The following FAM177B variants were observed in gnomAD, a reference collection of about 807,000 sequenced individuals.
FAM177B encodes protein FAM177B.
A neutral mutation model predicts 16.1 loss-of-function variants in FAM177B; 16 were observed. The observed-to-expected ratio is 0.99, with a 90% confidence interval of 0.67 to 1.51. The LOEUF (loss-of-function observed/expected upper bound fraction) is 1.51, where lower values mean the gene tolerates loss of function less well. FAM177B is among the 40% of genes most tolerant of loss of function. The pLI is 0.00. For synonymous variants in FAM177B, 56 were observed against 59.9 expected, an observed-to-expected ratio of 0.93 and a Z score of 0.30; for missense variants, 178 against 183.7, an observed-to-expected ratio of 0.97 and a Z score of 0.18.
chr1:222,741,928 C>CTT (rs1417046073), intron 2 of FAM177B, among the ~76,000 whole-genome samples: 1,149 of 84,610 alleles, frequency 0.014, 6 homozygotes, highest in Middle Eastern at 0.023. Context: ...CTCTCTCTCT[C>CTT]TCTTTCTTTC....
chr1:222,742,137 A>G (rs1040495749), intron 2 of FAM177B, among the ~76,000 whole-genome samples: 15 of 151,972 alleles, frequency 9.9e-5, no homozygotes, highest in Non-Finnish European at 1.9e-4. Flanking sequence ...TATTAGACGT[A>G]CTGAACTTTC....
rs185970176 is a variant in FAM177B at position 222,746,397 on chromosome 1, T to G, written c.-15-134T>G. 339 of 495,368 alleles carry G rather than the reference T, an allele frequency of 6.8e-4. 5 individuals are homozygous for G. The East Asian group carries it at 9.8e-3, about 14-fold the overall frequency. 30.7% of individuals were successfully genotyped at this position (495,368 alleles called of 1,614,324 possible). A position where few individuals can be genotyped will look rare whatever the true frequency, so the allele number is the denominator to read the frequency against. ...GGTACAGAATAGAACAGTCCTTTTT[T>G]GGATTTGAGGAATCGATGAGGTCAC... is the stretch of plus-strand genomic sequence containing the variant. On this transcript the variant is annotated intron_variant, in intron 2 of 5. Coordinates refer to ENST00000445590, the MANE Select transcript of FAM177B (RefSeq NM_001394345.1).
At chr1:222,747,297 G>C in intron 4 of FAM177B, 2 of 504,416 alleles carry the variant, frequency 4.0e-6, no homozygotes, top group Non-Finnish European at 7.1e-6. Context: ...TCTTATCTCG[G>C]CCCAAATTTT....
intron 4 of FAM177B, among the ~76,000 whole-genome samples, chr1:222,747,944 T>C (rs192556743): frequency 2.4e-3 from 362 of 152,260 alleles, no homozygotes; most frequent in Non-Finnish European, 3.8e-3. Flanking sequence ...AGAAAGTGTA[T>C]AGGGGCTCTG....
chr1:222,738,634 A>G (rs1278033762), intron 2 of FAM177B, among the ~76,000 whole-genome samples: 2 of 149,818 alleles, frequency 1.3e-5, no homozygotes, highest in Non-Finnish European at 3.0e-5. Flanking sequence ...CCACTGCACC[A>G]CTCCAGCCTG....
rs1658812772 is a variant in FAM177B at position 222,746,670 on chromosome 1, A to C, written c.125A>C (p.Glu42Ala). ...DIMEEYSTEE[E>A]EEEEKEEQST... is the part of the protein sequence containing the mutation. ...ATGGAAGAATATAGCACAGAGGAGG[A>C]GGAGGAAGAGGAAAAGGAGGAGCAG... Residue 42 changes from glutamate (E) to alanine (A), a missense_variant, in exon 3 of 6, where the codon GAG (glutamate) becomes GCG (alanine). Physicochemically the swap from Glu to Ala is moderately radical, Grantham distance 107. Coordinates refer to ENST00000445590, the MANE Select transcript of FAM177B (RefSeq NM_001394345.1). 7 of 1,613,726 alleles carry C rather than the reference A, an allele frequency of 4.3e-6. No homozygotes were observed. Among genetic ancestry groups the C allele is most frequent in the South Asian group, 2.2e-5 (2 of 91,082 alleles).
In FAM177B at chr1:222,746,684, A is replaced by G. The variant is rs1000242408; in HGVS notation, c.139A>G (p.Lys47Glu). ...YSTEEEEEEEKEEQSTNSTLD... is the reference protein window; with the variant it reads ...YSTEEEEEEEEEEQSTNSTLD... ...CACAGAGGAGGAGGAGGAAGAGGAAAAGGAGGAGCAGAGCACAAATTCAAC... is the reference window on the plus strand; with the variant it reads ...CACAGAGGAGGAGGAGGAAGAGGAAGAGGAGGAGCAGAGCACAAATTCAAC... Residue 47 changes from lysine (K) to glutamate (E), a missense_variant, in exon 3 of 6, where the codon AAG becomes GAG. By Grantham distance (56) the Lys-to-Glu change is moderately conservative. Coordinates refer to ENST00000445590, the MANE Select transcript of FAM177B (RefSeq NM_001394345.1). 6 of 1,613,586 alleles carry G rather than the reference A, an allele frequency of 3.7e-6. No individual in the cohort carries two copies. In the African/African-American group the frequency reaches 8.0e-5, roughly 22 times the overall value.
intron 2 of FAM177B, among the ~76,000 whole-genome samples, chr1:222,740,322 A>G (rs112138791): frequency 6.3e-4 from 96 of 152,290 alleles, no homozygotes; most frequent in African/African-American, 2.1e-3. Context: ...TCGATCTTCT[A>G]GTCTTCATTT....
chr1:222,739,970 G>A (rs920143519), intron 2 of FAM177B: 3 of 152,068 alleles, frequency 2.0e-5, no homozygotes, highest in Non-Finnish European at 2.9e-5. Context: ...AATTAAAATG[G>A]GTATTTTTTG....
In FAM177B at chr1:222,749,480, G is replaced by T. The variant is rs1197319453; in HGVS notation, c.257G>T (p.Gly86Val). Residue 86 changes from glycine to valine, a missense_variant, in exon 5 of 6, where the codon GGT becomes GTT. Physicochemically the swap from Gly to Val is moderately radical, Grantham distance 109 (BLOSUM62 -3). Transcript: ENST00000445590. The part of the protein sequence containing the change: ...STSFSTCEFL[G>V]GRFAVFFGLT... Reference sequence around the variant, plus strand: ...TTTCTTTTAGCATGTGAATTCCTTGGTGGAAGATTTGCTGTCTTCTTTGGT... The same window carrying T: ...TTTCTTTTAGCATGTGAATTCCTTGTTGGAAGATTTGCTGTCTTCTTTGGT... 6.2e-7 allele frequency: 1 copy of T among 1,606,160 alleles called. No individual in the cohort carries two copies. Among genetic ancestry groups the T allele is most frequent in the South Asian group, 1.1e-5 (1 of 90,160 alleles).
chr1:222,738,238 G>A (rs1324534596), intron 2 of FAM177B, among the ~76,000 whole-genome samples: 2 of 152,002 alleles, frequency 1.3e-5, no homozygotes, highest in Non-Finnish European at 2.9e-5. Flanking sequence ...AAAGCCACAG[G>A]GCCAAAGGAG....
chr1:222,746,340 G>A (rs9286760), intron 2 of FAM177B, among the ~76,000 whole-genome samples, 191 bp from the exon 3 acceptor site: 23,704 of 152,188 alleles, frequency 0.16, 2,454 homozygotes, highest in African/African-American at 0.29. Context: ...GTAAGTTCAC[G>A]TTTTCGCTAT....
chr1:222,749,770 T>C, intron 5 of FAM177B, 151 bp from the exon 6 acceptor site: 3 of 894,188 alleles, frequency 3.4e-6, no homozygotes, highest in Non-Finnish European at 5.4e-6. Context: ...AGTTAGGATG[T>C]CATGAGCTGT....
At chr1:222,747,121 A>G (rs1412186681) in intron 4 of FAM177B, 40 bp downstream of exon 4, 1 of 1,351,872 alleles carries the variant, frequency 7.4e-7, no homozygotes, top group Non-Finnish European at 1.1e-6. Flanking sequence ...TCCTAAACAA[A>G]TATATATATC....
chr1:222,737,351 G>A (rs959373914), intron 1 of FAM177B, 29 bp downstream of exon 1: 3 of 152,574 alleles, frequency 2.0e-5, no homozygotes, highest in African/African-American at 7.2e-5. Context: ...AAATGAAACA[G>A]GAGGTAAGAT....
intron 2 of FAM177B, among the ~76,000 whole-genome samples, chr1:222,740,943 C>T (rs1422718929): frequency 6.6e-6 from 1 of 152,162 alleles, no homozygotes; most frequent in Non-Finnish European, 1.5e-5. Context: ...TCGCGATCTG[C>T]CCGTCTCAGT....
chr1:222,748,479 T>C (rs184218767), intron 4 of FAM177B, among the ~76,000 whole-genome samples: 180 of 152,290 alleles, frequency 1.2e-3, no homozygotes, highest in Non-Finnish European at 1.3e-3. Context: ...AAAATGCTCC[T>C]GACTGGGGCT....
At chr1:222,747,825 C>T (rs752942858) in intron 4 of FAM177B, among the ~76,000 whole-genome samples, 2 of 152,148 alleles carry the variant, frequency 1.3e-5, no homozygotes, top group Non-Finnish European at 2.9e-5. Flanking sequence ...GACCCTGGGA[C>T]ACAAAGATGA....
chr1:222,740,745 G>A (rs1356736192), intron 2 of FAM177B, among the ~76,000 whole-genome samples: 1 of 152,168 alleles, frequency 6.6e-6, no homozygotes, highest in African/African-American at 2.4e-5. Flanking sequence ...TGTCACCCAG[G>A]CTGGAGTGCA....
Sources: allele counts gnomAD v4.1 joint callset (sites outside exome capture counted in the v4.1 genomes callset), GRCh38; gene constraint gnomAD v4.1.1; transcripts MANE v1.5; gene names NCBI Gene and HGNC (gene_info 2026-07-23, HGNC 2026-07-21).